Variants in CRYGD observed in about 807,000 individuals in gnomAD.
The protein encoded by CRYGD is crystallin gamma D.
In CRYGD, 13 loss-of-function variants were observed where a neutral mutation model predicts 11.3. The ratio of observed to expected loss-of-function variants is 1.15; its 90% CI spans 0.75 to 1.83. CRYGD has a LOEUF of 1.83. CRYGD is among the 40% of genes most tolerant of loss of function. The pLI is 0.00. For synonymous variants in CRYGD, 77 were observed against 89.5 expected (o/e 0.86, Z 0.79); for missense variants, 231 against 229.9 (o/e 1.00, Z -0.03).
At position 208,124,105 on chromosome 2, in the gene CRYGD, T is replaced by C. The variant is rs185860020; in HGVS notation, c.252+7A>G. On this transcript the variant is annotated splice_region_variant and intron_variant, in intron 2 of 2. Transcript: ENST00000264376. The stretch of plus-strand genomic sequence containing the variant: ...GGGCCTGGGTCCTGACTTGAGGATG[T>C]ACTCACGTGGGGGATGAGGCGGCAG... 2,474 of 1,611,668 alleles carry C rather than the reference T, an allele frequency of 1.5e-3. 36 individuals are homozygous for C. The highest frequency in any genetic ancestry group is 4.4e-4 in the Middle Eastern group (2 of 4,520).
At position 208,121,876 on chromosome 2, in the gene CRYGD, C is replaced by G. The variant is rs1273823123; in HGVS notation, c.322G>C (p.Asp108His). 6.2e-7 allele frequency: 1 copy of G among 1,614,166 alleles called. No individual in the cohort carries two copies. Among genetic ancestry groups the G allele is most frequent in the African/African-American group, 1.3e-5 (1 of 75,054 alleles). ...YRGQMIEFTE[D>H]CSCLQDRFRF... is the part of the protein sequence containing the mutation. ...AAGCGGTCCTGAAGACAGGAGCAGTCCTCAGTGAACTCTATCATCTGGCCT... is the reference window on the plus strand; with the variant it reads ...AAGCGGTCCTGAAGACAGGAGCAGTGCTCAGTGAACTCTATCATCTGGCCT... Residue 108 changes from aspartate (D) to histidine (H), a missense_variant, in exon 3 of 3, where the codon GAC becomes CAC. Asp to His is a moderately conservative substitution (Grantham distance 81, BLOSUM62 -1). Coordinates refer to ENST00000264376, the MANE Select transcript of CRYGD (RefSeq NM_006891.4).
In CRYGD at chr2:208,121,773, C is replaced by G; in HGVS notation, c.425G>C (p.Arg142Pro). 3 of 1,614,140 alleles carry G rather than the reference C, an allele frequency of 1.9e-6. No individual in the cohort carries two copies. The highest frequency in any genetic ancestry group is 2.5e-6 in the Non-Finnish European group (3 of 1,180,028). The change falls in exon 3 of 3, where the codon CGG becomes CCG. Residue 142 changes from arginine to proline, a missense_variant. Arg to Pro is a moderately radical substitution (Grantham distance 103). Coordinates refer to ENST00000264376, the MANE Select transcript of CRYGD (RefSeq NM_006891.4). ...VLYELSNYRG[R>P]QYLLMPGDYR... ...GTCCCCTGGCATCAGCAGGTACTGCCGTCCTCGGTAGTTGGACAGCTCGTA... is the reference window on the plus strand; with the variant it reads ...GTCCCCTGGCATCAGCAGGTACTGCGGTCCTCGGTAGTTGGACAGCTCGTA...
intron 2 of CRYGD, 33 bp downstream of exon 2, chr2:208,124,079 A>C (rs770795833): frequency 6.8e-6 from 11 of 1,611,478 alleles, no homozygotes; most frequent in Non-Finnish European, 8.5e-6. Context: ...GAGTGTCCTG[A>C]GGGCCTGGGT....
intron 2 of CRYGD, among the ~76,000 whole-genome samples, chr2:208,122,441 CAT>C (rs1312357283): frequency 4.1e-5 from 6 of 146,566 alleles, no homozygotes; most frequent in Non-Finnish European, 9.0e-5. Context: ...TAAAGTTAAT[CAT>C]ATTTTATTTT....
At chr2:208,122,752 A>G (rs1303896566) in intron 2 of CRYGD, among the ~76,000 whole-genome samples, 1 of 150,950 alleles carries the variant, frequency 6.6e-6, no homozygotes, top group East Asian at 1.9e-4. Context: ...AATCCCAGCT[A>G]CTTGGGAAGA....
rs761284053 is a variant in CRYGD at position 208,121,914 on chromosome 2, C to A, written c.284G>T (p.Arg95Ile). The A allele has an allele frequency of 6.2e-7, 1 of 1,614,162 alleles. No homozygotes were observed. The highest frequency in any genetic ancestry group is 8.5e-7 in the Non-Finnish European group (1 of 1,180,032). ...TATCATCTGGCCTCTGTAGTCCTCT[C>A]TCTCATAGAGTCTGATCCTGTGAGA... Reference protein sequence around the residue: ...SGSHRIRLYEREDYRGQMIEF... With the variant: ...SGSHRIRLYEIEDYRGQMIEF... The change falls in exon 3 of 3, where the codon AGA (arginine) becomes ATA (isoleucine). Residue 95 changes from arginine to isoleucine, a missense_variant. Transcript: ENST00000264376.
At position 208,124,447 on chromosome 2, in the gene CRYGD, G is replaced by A; in HGVS notation, c.9+18C>T. 1 of 1,580,548 alleles carries A rather than the reference G, an allele frequency of 6.3e-7. No individual in the cohort carries two copies. The highest frequency in any genetic ancestry group is 8.6e-7 in the Non-Finnish European group (1 of 1,164,254). On this transcript the variant is annotated intron_variant, in intron 1 of 2. Transcript: ENST00000264376. ...GATGGAGGAAGCTCCGGGGTCCCGG[G>A]GCGCAGGCTGGGCTCACCTTCCCCA... is the stretch of plus-strand genomic sequence containing the variant.
chr2:208,124,280 G>A lies in CRYGD; in HGVS notation c.84C>T (p.Pro28=). The A allele has an allele frequency of 6.2e-7, 1 of 1,611,640 alleles. No individual in the cohort carries two copies. Among genetic ancestry groups the A allele is most frequent in the Non-Finnish European group, 8.5e-7 (1 of 1,179,164 alleles). ...GCGCCGAGTTGCAGCGGCTCAAGTA[G>A]GGCTGCAGGTTGGGGTGGTCGCTGC... ...ECSSDHPNLQ[P]YLSRCNSARV... The change falls in exon 2 of 3, where the codon CCC becomes CCT. Residue 28 remains proline (P), a synonymous_variant. Transcript: ENST00000264376.
At chr2:208,123,489 A>T (rs1276659290) in intron 2 of CRYGD, among the ~76,000 whole-genome samples, 2 of 150,266 alleles carry the variant, frequency 1.3e-5, no homozygotes, top group Non-Finnish European at 3.0e-5. Flanking sequence ...AAAATGTTAA[A>T]TATCTTCATA....
Position 208,121,641 on chromosome 2 carries a change from C to G in CRYGD, c.*32G>C, listed in dbSNP as rs985491453. On this transcript the variant is annotated 3_prime_UTR_variant, in exon 3 of 3. Coordinates refer to ENST00000264376, the MANE Select transcript of CRYGD (RefSeq NM_006891.4). The stretch of plus-strand genomic sequence containing the variant: ...CACACAGAAAATATTTTATTAGTTT[C>G]CAAATTAAGAAACAACAAAAGAGGA... 6.2e-7 allele frequency: 1 copy of G among 1,605,156 alleles called. No homozygotes were observed. The highest frequency in any genetic ancestry group is 8.5e-7 in the Non-Finnish European group (1 of 1,175,194).
At position 208,124,102 on chromosome 2, in the gene CRYGD, A is replaced by T. The variant is rs200111275; in HGVS notation, c.252+10T>A. ...TGAGGGCCTGGGTCCTGACTTGAGG[A>T]TGTACTCACGTGGGGGATGAGGCGG... On this transcript the variant is annotated intron_variant, in intron 2 of 2. Coordinates refer to ENST00000264376, the MANE Select transcript of CRYGD (RefSeq NM_006891.4). 5.5e-4 allele frequency: 883 copies of T among 1,611,626 alleles called. No individual in the cohort carries two copies. Among genetic ancestry groups the T allele is most frequent in the Non-Finnish European group, 7.0e-4 (823 of 1,179,840 alleles).
At chr2:208,123,302 TTTAAATATAAGTATTTAAAATATA>T (rs1375790813) in intron 2 of CRYGD, among the ~76,000 whole-genome samples, 5 of 146,902 alleles carry the variant, frequency 3.4e-5, no homozygotes, top group African/African-American at 1.2e-4. Context: ...AAATATGTAT[TTTAAATATAAGTATTTAAAATATA>T]TTAAATATAT....
rs750636400 is a variant in CRYGD, at chr2:208,124,265, G to A, written c.99C>T (p.Cys33=). 4.5e-5 allele frequency: 73 copies of A among 1,612,130 alleles called. No homozygotes were observed. The highest frequency in any genetic ancestry group is 5.8e-5 in the Non-Finnish European group (68 of 1,179,412). The stretch of plus-strand genomic sequence containing the variant: ...AGCCGCTGTCCACGCGCGCCGAGTT[G>A]CAGCGGCTCAAGTAGGGCTGCAGGT... ...HPNLQPYLSR[C]NSARVDSGCW... is the part of the protein sequence containing the mutation. The change falls in exon 2 of 3, where the codon TGC becomes TGT. Residue 33 remains cysteine (C), a synonymous_variant. Coordinates refer to ENST00000264376, the MANE Select transcript of CRYGD (RefSeq NM_006891.4).
At chr2:208,122,426 T>G (rs1694883218) in intron 2 of CRYGD, among the ~76,000 whole-genome samples, 1 of 147,812 alleles carries the variant, frequency 6.8e-6, no homozygotes, top group African/African-American at 2.4e-5. Flanking sequence ...AAATTATATT[T>G]TATTTAAAGT....
chr2:208,122,387 T>C (rs1694881726), intron 2 of CRYGD, among the ~76,000 whole-genome samples: 1 of 148,050 alleles, frequency 6.8e-6, no homozygotes, highest in African/African-American at 2.4e-5. Flanking sequence ...AATTATATAC[T>C]ATATTTAAAA....
Position 208,124,180 on chromosome 2 carries a change from C to A in CRYGD, c.184G>T (p.Asp62Tyr). Reference sequence around the variant, plus strand: ...ATCCACTGCTGGTGGTCGGCATAGTCGCCGCGGCGCAGGAAGTACTGGAGG... The same window carrying A: ...ATCCACTGCTGGTGGTCGGCATAGTAGCCGCGGCGCAGGAAGTACTGGAGG... ...SGLQYFLRRGDYADHQQWMGL... is the reference protein window; with the variant it reads ...SGLQYFLRRGYYADHQQWMGL... The change falls in exon 2 of 3, where the codon GAC becomes TAC. Residue 62 changes from aspartate (D) to tyrosine (Y), a missense_variant. Asp to Tyr is a radical substitution (Grantham distance 160, BLOSUM62 -3). Transcript: ENST00000264376. 3.1e-6 allele frequency: 5 copies of A among 1,611,666 alleles called. No homozygotes were observed. The highest frequency in any genetic ancestry group is 2.2e-5 in the East Asian group (1 of 44,870).
intron 2 of CRYGD, 75 bp from the exon 3 acceptor site, chr2:208,122,020 T>G: frequency 6.2e-7 from 1 of 1,606,758 alleles, no homozygotes; most frequent in East Asian, 2.2e-5. Context: ...GCAGTCCAGC[T>G]TGGTGAGGAC....
rs147591436 is a variant in CRYGD, at chr2:208,123,577, C to T, written c.252+535G>A. On this transcript the variant is annotated intron_variant, in intron 2 of 2. Transcript: ENST00000264376. ...AATGGAGGAAGAAACATCAGTAAGT[C>T]CAAGGACGAATTTTGCATAAACTTT... Among the ~76,000 whole-genome samples the T allele has an allele frequency of 7.6e-3, 1,156 of 151,924 alleles. 20 individuals are homozygous for T. The highest frequency in any genetic ancestry group is 0.027 in the African/African-American group (1,106 of 41,444).
At chr2:208,123,486 T>G (rs1694913542) in intron 2 of CRYGD, among the ~76,000 whole-genome samples, 1 of 150,074 alleles carries the variant, frequency 6.7e-6, no homozygotes, top group African/African-American at 2.4e-5. Flanking sequence ...TATAAAATGT[T>G]AAATATCTTC....
Sources: allele counts gnomAD v4.1 joint callset (sites outside exome capture counted in the v4.1 genomes callset), GRCh38; gene constraint gnomAD v4.1.1; transcripts MANE v1.5; gene names NCBI Gene and HGNC (gene_info 2026-07-23, HGNC 2026-07-21).